Variants in THRAP3 observed in about 807,000 individuals in gnomAD.
The protein encoded by THRAP3 is thyroid hormone receptor associated protein 3.
A neutral mutation model predicts 101.0 loss-of-function variants in THRAP3; 16 were observed. The observed-to-expected ratio is 0.16, with a 90% CI of 0.11 to 0.24. THRAP3 has a LOEUF of 0.24. Among genes scored for constraint, THRAP3 ranks in the 10% least tolerant of loss-of-function variants. The pLI is 1.00. For synonymous variants in THRAP3, 407 were observed against 422.6 expected, an observed-to-expected ratio of 0.96 and a Z score of 0.45; for missense variants, 989 against 1,202.7, an observed-to-expected ratio of 0.82 and a Z score of 2.63.
upstream of THRAP3, among the ~76,000 whole-genome samples, chr1:36,220,986 T>A (rs1321234390): frequency 6.8e-5 from 9 of 133,024 alleles, no homozygotes; most frequent in African/African-American, 2.1e-4. Context: ...TATATATATA[T>A]ATATATATAT....
rs1482914647 is a variant in THRAP3 at position 36,300,941 on chromosome 1, T to C, written c.2359T>C (p.Ser787Pro). The change falls in exon 10 of 12, where the codon TCT (serine) becomes CCT (proline). Residue 787 changes from serine (S) to proline (P), a missense_variant. Physicochemically the swap from Ser to Pro is moderately conservative, Grantham distance 74 (BLOSUM62 -1). Transcript: ENST00000354618. ...ATCCTCCTCCTCTTCCTCCCAGTCA[T>C]CTCACTCCTACAAAGCAGAAGAGTA... is the stretch of plus-strand genomic sequence containing the variant. ...SRSSSSSSQS[S>P]HSYKAEEYTE... The C allele has an allele frequency of 3.7e-6, 6 of 1,613,870 alleles. No homozygotes were observed. Among genetic ancestry groups the C allele is most frequent in the Non-Finnish European group, 4.2e-6 (5 of 1,180,004 alleles).
At chr1:36,231,840 A>G (rs1257091216) in intron 1 of THRAP3, among the ~76,000 whole-genome samples, 5 of 152,318 alleles carry the variant, frequency 3.3e-5, no homozygotes, top group East Asian at 3.9e-4. Context: ...TTGAAAGACT[A>G]TCGGCTATCA....
intron 1 of THRAP3, among the ~76,000 whole-genome samples, chr1:36,252,710 G>T (rs764913108): frequency 6.6e-6 from 1 of 151,694 alleles, no homozygotes; most frequent in Non-Finnish European, 1.5e-5. Context: ...TTCGAGACCA[G>T]CCTGGCCAAC....
intron 1 of THRAP3, among the ~76,000 whole-genome samples, chr1:36,248,078 C>G (rs1030540286): frequency 2.0e-5 from 3 of 152,018 alleles, no homozygotes; most frequent in African/African-American, 7.3e-5. Context: ...CAGGGTTTCA[C>G]CATGTTGGCC....
At chr1:36,241,596 T>TC (rs1553192425) in intron 1 of THRAP3, among the ~76,000 whole-genome samples, 6,219 of 149,004 alleles carry the variant, frequency 0.042, 494 homozygotes, top group African/African-American at 0.15. Flanking sequence ...TTTTTTTTTT[T>TC]CAGACAGAGT....
At chr1:36,216,568 G>A in the THRAP3 span, among the ~76,000 whole-genome samples, 2 of 151,032 alleles carry the variant, frequency 1.3e-5, no homozygotes, top group Admixed American at 6.6e-5. Flanking sequence ...TTGGGAGGCC[G>A]AGGCGGGTGG....
At chr1:36,220,972 A>AAAAAAAAAAATAT (rs1285765741), upstream of THRAP3, among the ~76,000 whole-genome samples, 1 of 94,146 alleles carries the variant, frequency 1.1e-5, no homozygotes, top group African/African-American at 4.7e-5. Flanking sequence ...AAAAAAAAAA[A>AAAAAAAAAAATAT]ATATATATAT....
chr1:36,208,193 C>G, the THRAP3 span, among the ~76,000 whole-genome samples: 1 of 152,226 alleles, frequency 6.6e-6, no homozygotes, highest in African/African-American at 2.4e-5. Flanking sequence ...CCAAAGCTGA[C>G]AGCCTCCCCC....
chr1:36,237,903 C>T (rs1464356314), intron 1 of THRAP3, among the ~76,000 whole-genome samples: 1 of 152,178 alleles, frequency 6.6e-6, no homozygotes, highest in Non-Finnish European at 1.5e-5. Flanking sequence ...CTGACTGTAG[C>T]CTCAAACTCC....
At chr1:36,221,113 A>T (rs1644901202), upstream of THRAP3, among the ~76,000 whole-genome samples, 1 of 145,312 alleles carries the variant, frequency 6.9e-6, no homozygotes, top group South Asian at 2.3e-4. Context: ...TGAGCCTGGG[A>T]GATGGCGGTT....
chr1:36,250,650 G>A (rs541376606), intron 1 of THRAP3, among the ~76,000 whole-genome samples: 8 of 151,600 alleles, frequency 5.3e-5, no homozygotes, highest in African/African-American at 9.7e-5. Context: ...AGTGGCCCAC[G>A]CCTGTAATCC....
At chr1:36,215,282 C>T in the THRAP3 span, among the ~76,000 whole-genome samples, 3 of 152,212 alleles carry the variant, frequency 2.0e-5, 1 homozygote, top group East Asian at 5.8e-4. Flanking sequence ...CAATAAAATC[C>T]AATCTCCTCA....
At chr1:36,295,298 A>T (rs113405472) in intron 8 of THRAP3, among the ~76,000 whole-genome samples, 203 of 149,378 alleles carry the variant, frequency 1.4e-3, no homozygotes, top group Middle Eastern at 0.01. Context: ...TTTTTTTTTT[A>T]AAAGTTTAGT....
intron 5 of THRAP3, among the ~76,000 whole-genome samples, chr1:36,290,001 C>T (rs1645845479): frequency 6.6e-6 from 1 of 152,112 alleles, no homozygotes; most frequent in Admixed American, 6.6e-5. Context: ...GTGACTGGCT[C>T]ACTCTCTGTT....
At chr1:36,238,687 T>G (rs4653166) in intron 1 of THRAP3, among the ~76,000 whole-genome samples, 1 of 152,112 alleles carries the variant, frequency 6.6e-6, no homozygotes, top group Non-Finnish European at 1.5e-5. Context: ...GTGTAATGAG[T>G]GAGCTTTTCG....
At chr1:36,247,380 A>G (rs1256986479) in intron 1 of THRAP3, among the ~76,000 whole-genome samples, 2 of 151,924 alleles carry the variant, frequency 1.3e-5, no homozygotes, top group Non-Finnish European at 2.9e-5. Flanking sequence ...GCTGGAGTGC[A>G]GTGGCGTGAT....
the THRAP3 span, among the ~76,000 whole-genome samples, chr1:36,216,150 A>G: frequency 6.6e-6 from 1 of 152,100 alleles, no homozygotes; most frequent in Non-Finnish European, 1.5e-5. Context: ...AGGCCTAAGC[A>G]GGAGGATTGC....
At chr1:36,226,367 C>T (rs1644962337) in intron 1 of THRAP3, among the ~76,000 whole-genome samples, 1 of 152,152 alleles carries the variant, frequency 6.6e-6, no homozygotes, top group South Asian at 2.1e-4. Flanking sequence ...TCAAGCGATT[C>T]TCCTGCTTCT....
intron 2 of THRAP3, among the ~76,000 whole-genome samples, chr1:36,266,463 C>T (rs1396763831): frequency 6.6e-6 from 1 of 152,160 alleles, no homozygotes; most frequent in Non-Finnish European, 1.5e-5. Flanking sequence ...GAATTTTCTC[C>T]ACCTCTCTAA....
Sources: allele counts gnomAD v4.1 joint callset (sites outside exome capture counted in the v4.1 genomes callset), GRCh38; gene constraint gnomAD v4.1.1; transcripts MANE v1.5; gene names NCBI Gene and HGNC (gene_info 2026-07-23, HGNC 2026-07-21).